The following ITGAE variants were observed in gnomAD, a reference collection of about 807,000 sequenced individuals.
The protein encoded by ITGAE is integrin subunit alpha E.
In ITGAE, 99 loss-of-function variants were observed where a neutral mutation model predicts 136.5. The ratio of observed to expected loss-of-function variants is 0.73; its 90% CI spans 0.62 to 0.86. ITGAE has a LOEUF of 0.86. Ranked by LOEUF, ITGAE falls within the 40% of genes least tolerant of loss-of-function variation. The pLI is 0.00. For missense variants in ITGAE, 1,447 were observed against 1,515.3 expected (o/e 0.95, Z 0.75); for synonymous variants, 613 against 591.8 (o/e 1.04, Z -0.52).
chr17:3,762,010 G>T, intron 3 of ITGAE, 28 bp from the exon 4 acceptor site: 1 of 1,602,780 alleles, frequency 6.2e-7, no homozygotes, highest in Non-Finnish European at 8.5e-7. Flanking sequence ...AGGTGAGGAG[G>T]AGGAGGGGAC....
At chr17:3,738,175 T>TC (rs1339210227) in intron 20 of ITGAE, among the ~76,000 whole-genome samples, 28 of 107,320 alleles carry the variant, frequency 2.6e-4, no homozygotes, top group African/African-American at 3.5e-4. Context: ...TTTGTTACCC[T>TC]CCCCCCCTCC....
chr17:3,741,549 G>A (rs2051589562), intron 19 of ITGAE, among the ~76,000 whole-genome samples: 1 of 151,990 alleles, frequency 6.6e-6, no homozygotes, highest in African/African-American at 2.4e-5. Context: ...TTTTATACGG[G>A]GAATAACTTT....
chr17:3,724,184 C>T, intron 26 of ITGAE: 4 of 1,591,480 alleles, frequency 2.5e-6, no homozygotes, highest in Non-Finnish European at 2.6e-6. Flanking sequence ...GGAGGCGTCC[C>T]GGCGGCCGAG....
intron 1 of ITGAE, among the ~76,000 whole-genome samples, chr17:3,795,109 C>T (rs1258429237): frequency 3.9e-5 from 6 of 152,184 alleles, no homozygotes; most frequent in African/African-American, 1.4e-4. Flanking sequence ...GAGTAACTCC[C>T]GGGTCCCTGA....
Position 3,723,378 on chromosome 17 carries a change from C to A in ITGAE, c.3147G>T (p.Val1049=). The part of the protein sequence containing the change: ...RACAYSSVQH[V]EEWHSVSCVI... ...CACAGCTCACTGAATGCCATTCTTC[C>A]ACATGCTGGAAAAGCGAGGTCTAGT... Residue 1049 remains valine (V), a synonymous_variant, in exon 28 of 31, where the codon GTG becomes GTT. Coordinates refer to ENST00000263087, the MANE Select transcript of ITGAE (RefSeq NM_002208.5). 2 of 1,612,278 alleles carry A rather than the reference C, an allele frequency of 1.2e-6. No homozygotes were observed. The highest frequency in any genetic ancestry group is 1.1e-5 in the South Asian group (1 of 91,046).
rs545449096 is a variant in ITGAE, at chr17:3,797,460, T to C, written c.34+3651A>G. 5.4e-4 allele frequency among the ~76,000 whole-genome samples: 76 copies of C among 141,768 alleles called. 1 individual carries two copies. Among genetic ancestry groups the C allele is most frequent in the East Asian group, 2.1e-3 (10 of 4,858 alleles). The allele number at this position is 141,768 out of a possible 152,430, so 93.0% of individuals were successfully genotyped here. ...GATTACAGGCTTGAGCCACTGCGCC[T>C]GGCCTTTTTTTTTTTTTTGAGACGG... is the stretch of plus-strand genomic sequence containing the variant. On this transcript the variant is annotated intron_variant, in intron 1 of 30. Transcript: ENST00000263087.
At chr17:3,725,233 C>T (rs139272282) in intron 26 of ITGAE, 6 of 1,614,124 alleles carry the variant, frequency 3.7e-6, no homozygotes, top group East Asian at 4.5e-5. Flanking sequence ...AGTGGTGCTC[C>T]GTCCTCTTGG....
At chr17:3,778,412 A>G (rs1660649559) in intron 1 of ITGAE, among the ~76,000 whole-genome samples, 1 of 152,024 alleles carries the variant, frequency 6.6e-6, no homozygotes, top group African/African-American at 2.4e-5. Context: ...AAAACGCAAA[A>G]ATTAGCTGGG....
At chr17:3,785,476 AAAGGAAGGAAGGAAGGAAGGAGG>A (rs1567557023) in intron 1 of ITGAE, among the ~76,000 whole-genome samples, 5 of 139,552 alleles carry the variant, frequency 3.6e-5, no homozygotes, top group South Asian at 2.3e-4. Context: ...AAGAAGAAAG[AAAGGAAGGAAGGAAGGAAGGAGG>A]AAGGAAGGAA....
At position 3,750,999 on chromosome 17, in the gene ITGAE, G is replaced by A. The variant is rs147823388; in HGVS notation, c.1894-517C>T. Among the ~76,000 whole-genome samples, 486 of 151,992 alleles carry A rather than the reference G, an allele frequency of 3.2e-3. 3 individuals carry two copies. The highest frequency in any genetic ancestry group is 0.011 in the African/African-American group (458 of 41,440). ...TAGAGAGAAGGGGCTGGAGTTGGGA[G>A]ACAGCTAGAATCATGAGGACGTGGG... On this transcript the variant is annotated intron_variant, in intron 15 of 30. Transcript: ENST00000263087.
Position 3,783,391 on chromosome 17 carries a change from G to A in ITGAE, c.35-5731C>T, listed in dbSNP as rs148444247. Among the ~76,000 whole-genome samples, 1,024 of 152,258 alleles carry A rather than the reference G, an allele frequency of 6.7e-3. 9 individuals are homozygous for A. Among genetic ancestry groups the A allele is most frequent in the Middle Eastern group, 0.048 (14 of 294 alleles). ...CGTCCTGACCTCAAGAGATCCGCCC[G>A]CCTCAGCCTCCCAAAGTGCTGGGAT... On this transcript the variant is annotated intron_variant, in intron 1 of 30. Coordinates refer to ENST00000263087, the MANE Select transcript of ITGAE (RefSeq NM_002208.5).
intron 2 of ITGAE, among the ~76,000 whole-genome samples, chr17:3,765,049 T>C (rs1164324882): frequency 6.6e-6 from 1 of 151,488 alleles, no homozygotes; most frequent in Non-Finnish European, 1.5e-5. Context: ...TTAGCTGTGC[T>C]TTCAAAAGCT....
At chr17:3,772,552 C>A (rs1159183481) in intron 2 of ITGAE, among the ~76,000 whole-genome samples, 2 of 151,938 alleles carry the variant, frequency 1.3e-5, no homozygotes, top group Non-Finnish European at 2.9e-5. Context: ...CAAGCTCCGC[C>A]TCCCGCGTTC....
At chr17:3,755,787 T>A in intron 11 of ITGAE, 43 bp downstream of exon 11, 1 of 1,546,748 alleles carries the variant, frequency 6.5e-7, no homozygotes, top group Non-Finnish European at 8.8e-7. Context: ...CCTGGGCCCC[T>A]CACCAATGGG....
chr17:3,751,686 A>G lies in ITGAE; in HGVS notation c.1857T>C (p.Asn619=), dbSNP rs11652878. 0.11 allele frequency: 181,833 copies of G among 1,613,798 alleles called. 11,366 individuals are homozygous for G. Among genetic ancestry groups the G allele is most frequent in the East Asian group, 0.21 (9,538 of 44,866 alleles). The change falls in exon 15 of 31, where the codon AAT becomes AAC. Residue 619 remains asparagine, a synonymous_variant. Transcript: ENST00000263087. ...TGGCGGAGAGGCCGTCCCAGTGTCC[A>G]TTGTAGATATACACACTGCCGAAGC... ...GASFGSVYIY[N]GHWDGLSASP...
Position 3,761,995 on chromosome 17 carries a change from A to G in ITGAE, c.248-13T>C. 1 of 1,612,402 alleles carries G rather than the reference A, an allele frequency of 6.2e-7. No individual in the cohort carries two copies. Among genetic ancestry groups the G allele is most frequent in the Non-Finnish European group, 8.5e-7 (1 of 1,178,968 alleles). ...ATGGGGACATGCTCTGAAAAAGTTA[A>G]GCCCAGGTGAGGAGGAGGAGGGGAC... On this transcript the variant is annotated splice_polypyrimidine_tract_variant and intron_variant, in intron 3 of 30. Transcript: ENST00000263087.
Position 3,728,029 on chromosome 17 carries a change from G to A in ITGAE, c.2977-3C>T. On this transcript the variant is annotated splice_region_variant and splice_polypyrimidine_tract_variant and intron_variant, in intron 25 of 30. Coordinates refer to ENST00000263087, the MANE Select transcript of ITGAE (RefSeq NM_002208.5). ...CCAAAGAGGTTCTCCCCATGTACCT[G>A]CAAATTAAAATCAGAGTAGGAAATC... 2 of 1,611,996 alleles carry A rather than the reference G, an allele frequency of 1.2e-6. No homozygotes were observed. Among genetic ancestry groups the A allele is most frequent in the Non-Finnish European group, 1.7e-6 (2 of 1,178,078 alleles).
At position 3,732,415 on chromosome 17, in the gene ITGAE, G is replaced by A. The variant is rs1296308001; in HGVS notation, c.2707C>T (p.Leu903=). The change falls in exon 22 of 31, where the codon CTG becomes TTG. Residue 903 remains leucine, a synonymous_variant. Transcript: ENST00000263087. ...CDDPQPVASV[L]IMNCRIGHPV... The stretch of plus-strand genomic sequence containing the variant: ...TGACCAATCCTGCAGTTCATGATCA[G>A]GACAGAAGCAACCGGCTGAGGGTCA... The A allele has an allele frequency of 1.2e-6, 2 of 1,614,080 alleles. No individual in the cohort carries two copies. The highest frequency in any genetic ancestry group is 2.7e-5 in the African/African-American group (2 of 74,944).
chr17:3,726,403 C>CTGTGGGGACGGAGGTTG, intron 26 of ITGAE: 1 of 1,082,536 alleles, frequency 9.2e-7, no homozygotes, highest in Non-Finnish European at 1.4e-6. Flanking sequence ...TTTCAACCTC[C>CTGTGGGGACGGAGGTTG]ATCCCCACAG....
Sources: allele counts gnomAD v4.1 joint callset (sites outside exome capture counted in the v4.1 genomes callset), GRCh38; gene constraint gnomAD v4.1.1; transcripts MANE v1.5; gene names NCBI Gene and HGNC (gene_info 2026-07-23, HGNC 2026-07-21).